Variants in SV2A observed in about 807,000 individuals in gnomAD.
SV2A encodes the protein solute carrier family 22 member B1.
Under a neutral mutation model 78.0 loss-of-function variants are expected in SV2A, and 25 were observed. The ratio of observed to expected loss-of-function variants is 0.32; its 90% confidence interval spans 0.23 to 0.45. The LOEUF (loss-of-function observed/expected upper bound fraction) is 0.45, where lower values mean the gene tolerates loss of function less well. Among genes scored for constraint, SV2A ranks in the 20% least tolerant of loss-of-function variants. The pLI, the probability that SV2A is intolerant of heterozygous loss-of-function variation, is 1.00. For missense variants in SV2A, 752 were observed against 971.5 expected (o/e 0.77, Z 3.00); for synonymous variants, 355 against 384.7 (o/e 0.92, Z 0.90).
intron 1 of SV2A, among the ~76,000 whole-genome samples, chr1:149,915,926 C>T (rs2101628698): frequency 6.6e-6 from 1 of 152,208 alleles, no homozygotes; most frequent in South Asian, 2.1e-4. Flanking sequence ...CACACACACA[C>T]ACGCCCTGGT....
Position 149,910,665 on chromosome 1 carries a change from T to C in SV2A, c.994A>G (p.Ser332Gly). 1.2e-6 allele frequency: 2 copies of C among 1,613,970 alleles called. No homozygotes were observed. The highest frequency in any genetic ancestry group is 1.7e-6 in the Non-Finnish European group (2 of 1,179,938). ...CAGACGAGGACGAAGACCCTCCAGC[T>C]GTGGAACTGGTAGGCAGAACCCATC... is the stretch of plus-strand genomic sequence containing the variant. ...FQMGSAYQFHSWRVFVLVCAF... is the reference protein window; with the variant it reads ...FQMGSAYQFHGWRVFVLVCAF... Residue 332 changes from serine (S) to glycine (G), a missense_variant, in exon 5 of 13, where the codon AGC (serine) becomes GGC (glycine). Physicochemically the swap from Ser to Gly is moderately conservative, Grantham distance 56. Around this residue, in one of 7 missense-constraint regions of SV2A, gnomAD observed 43 missense variants for 70.8 expected, o/e 0.61. Transcript: ENST00000369146. The surrounding 1 kb of genome is among the most constrained non-coding windows in gnomAD (Gnocchi z 4.2).
chr1:149,905,863 C>T lies in SV2A; in HGVS notation c.2045+17G>A. On this transcript the variant is annotated intron_variant, in intron 12 of 12. Coordinates refer to ENST00000369146, the MANE Select transcript of SV2A (RefSeq NM_014849.5). ...TCCCCTGAATCCACTGCCCTGCCTC[C>T]AACACATTCCAACTACCTCTTGTCT... 1 of 1,613,754 alleles carries T rather than the reference C, an allele frequency of 6.2e-7. No individual in the cohort carries two copies. The highest frequency in any genetic ancestry group is 8.5e-7 in the Non-Finnish European group (1 of 1,179,754).
chr1:149,913,372 G>T lies in SV2A; in HGVS notation c.469C>A (p.Arg157=). ...TGGAAGCGGCCGTGGCCACACTCCC[G>T]TAGGATGGCTTCATACTGTTGGGCC... is the stretch of plus-strand genomic sequence containing the variant. ...ELAQQYEAIL[R]ECGHGRFQWT... is the part of the protein sequence containing the mutation. The change falls in exon 2 of 13, where the codon CGG becomes AGG. Residue 157 remains arginine, a synonymous_variant. Transcript: ENST00000369146. The T allele has an allele frequency of 6.2e-7, 1 of 1,614,080 alleles. No homozygotes were observed. The highest frequency in any genetic ancestry group is 1.6e-4 in the Middle Eastern group (1 of 6,062).
At chr1:149,905,232 G>C in intron 12 of SV2A, 35 bp from the exon 13 acceptor site, 1 of 1,565,548 alleles carries the variant, frequency 6.4e-7, no homozygotes, top group Non-Finnish European at 8.7e-7. Context: ...CACGGCGCAA[G>C]GTACAGGAGG....
At position 149,904,748 on chromosome 1, in the gene SV2A, G is replaced by T. The variant is rs978674896; in HGVS notation, c.*266C>A. 33 of 383,562 alleles carry T rather than the reference G, an allele frequency of 8.6e-5. No homozygotes were observed. Among genetic ancestry groups the T allele is most frequent in the Non-Finnish European group, 1.3e-4 (28 of 212,772 alleles). The allele number at this position is 383,562 out of a possible 1,614,324, so 23.8% of individuals were successfully genotyped here. ...TCTCTAACAGGGGGAGAAGGATGGG[G>T]CTCAGCCTTCTCTTGTGCAAAGTCA... is the stretch of plus-strand genomic sequence containing the variant. On this transcript the variant is annotated 3_prime_UTR_variant, in exon 13 of 13. Transcript: ENST00000369146.
chr1:149,913,114 G>A, intron 2 of SV2A, 105 bp downstream of exon 2: 1 of 1,419,550 alleles, frequency 7.0e-7, no homozygotes, highest in Non-Finnish European at 9.5e-7. Context: ...GAACATCTTG[G>A]GTGCAGGGTC....
At chr1:149,912,891 G>A (rs1482211302) in intron 2 of SV2A, among the ~76,000 whole-genome samples, 2 of 151,950 alleles carry the variant, frequency 1.3e-5, no homozygotes, top group Admixed American at 1.3e-4. Context: ...ATAACCAGAG[G>A]GAAAGCTATG....
intron 1 of SV2A, among the ~76,000 whole-genome samples, chr1:149,916,108 G>T (rs1219327645): frequency 6.6e-6 from 1 of 152,148 alleles, no homozygotes; most frequent in Non-Finnish European, 1.5e-5. Context: ...AGCTGGAACT[G>T]CGGAATCCCC....
Position 149,910,799 on chromosome 1 carries a change from T to C in SV2A, c.955+27A>G. ...AAGAAGAGGGAGGAGGGAGATAACC[T>C]GGGGTGGATTTCCGGGGGCTGCTCA... On this transcript the variant is annotated intron_variant, in intron 4 of 12. Coordinates refer to ENST00000369146, the MANE Select transcript of SV2A (RefSeq NM_014849.5). The surrounding 1 kb of genome is among the most constrained non-coding windows in gnomAD (Gnocchi z 4.2). 1 of 1,612,244 alleles carries C rather than the reference T, an allele frequency of 6.2e-7. No homozygotes were observed. The highest frequency in any genetic ancestry group is 8.5e-7 in the Non-Finnish European group (1 of 1,178,526).
chr1:149,907,927 G>A (rs2092449273), intron 9 of SV2A, 94 bp from the exon 10 acceptor site: 2 of 1,572,378 alleles, frequency 1.3e-6, no homozygotes, highest in Non-Finnish European at 1.7e-6. Context: ...GCTGGGCATT[G>A]AGAAGAAACC....
chr1:149,914,068 G>A lies in SV2A; in HGVS notation c.-228C>T. ...TGACCTATACCCAGTTCAGTTGGGT[G>A]GATGGGGAAGGGACAGGGGGAGCAG... is the stretch of plus-strand genomic sequence containing the variant. On this transcript the variant is annotated 5_prime_UTR_variant, in exon 2 of 13. Coordinates refer to ENST00000369146, the MANE Select transcript of SV2A (RefSeq NM_014849.5). The A allele has an allele frequency of 1.9e-6, 1 of 527,956 alleles. No homozygotes were observed. Among genetic ancestry groups the A allele is most frequent in the Non-Finnish European group, 3.1e-6 (1 of 317,652 alleles). 32.7% of individuals were successfully genotyped at this position (527,956 alleles called of 1,614,324 possible).
chr1:149,909,865 A>T lies in SV2A; in HGVS notation c.1115T>A (p.Met372Lys), dbSNP rs2092464378. 1 of 1,613,936 alleles carries T rather than the reference A, an allele frequency of 6.2e-7. No homozygotes were observed. Among genetic ancestry groups the T allele is most frequent in the South Asian group, 1.1e-5 (1 of 91,088 alleles). ...GGTATCATGGACCTGCTTCAGCACC[A>T]TCCAGGCCTCATCATGCTTTCCATT... ...LENGKHDEAW[M>K]VLKQVHDTNM... Residue 372 changes from methionine (M) to lysine (K), a missense_variant, in exon 6 of 13, where the codon ATG becomes AAG. Met to Lys is a moderately conservative substitution (Grantham distance 95). This residue lies in a region of SV2A where 136 missense variants were observed against 132.3 expected (regional missense o/e 1.03). Coordinates refer to ENST00000369146, the MANE Select transcript of SV2A (RefSeq NM_014849.5).
chr1:149,909,423 C>T, intron 7 of SV2A, 38 bp downstream of exon 7: 1 of 1,585,616 alleles, frequency 6.3e-7, no homozygotes, highest in Non-Finnish European at 8.7e-7. Context: ...TCTCCACTTC[C>T]CCCACTCCCT....
At chr1:149,909,693 TCTC>T in intron 6 of SV2A, 105 bp downstream of exon 6, 1 of 1,455,790 alleles carries the variant, frequency 6.9e-7, no homozygotes, top group South Asian at 1.2e-5. Flanking sequence ...ACCCTGAAAA[TCTC>T]CTTACGGTAG....
In SV2A at chr1:149,903,799, G is replaced by C. The variant is rs1270028878; in HGVS notation, c.*1215C>G. 6.6e-6 allele frequency: 1 copy of C among 152,640 alleles called. No individual in the cohort carries two copies. The highest frequency in any genetic ancestry group is 1.5e-5 in the Non-Finnish European group (1 of 68,078). The allele number at this position is 152,640 out of a possible 1,614,324, so 9.5% of individuals were successfully genotyped here. A position where few individuals can be genotyped will look rare whatever the true frequency, so the allele number is the denominator to read the frequency against. ...AGCCACACAGAGTAGGGTGGGATGG[G>C]GCAGCCTAACCTACAGAGGCTATTG... On this transcript the variant is annotated 3_prime_UTR_variant, in exon 13 of 13. Coordinates refer to ENST00000369146, the MANE Select transcript of SV2A (RefSeq NM_014849.5).
In SV2A at chr1:149,910,780, A is replaced by T. The variant is rs1260315941; in HGVS notation, c.955+46T>A. The T allele has an allele frequency of 1.2e-6, 2 of 1,611,458 alleles. No homozygotes were observed. Among genetic ancestry groups the T allele is most frequent in the Non-Finnish European group, 1.7e-6 (2 of 1,178,104 alleles). ...CCCACCACAGGGAGCACAGAAGAAG[A>T]GGGAGGAGGGAGATAACCTGGGGTG... On this transcript the variant is annotated intron_variant, in intron 4 of 12. Transcript: ENST00000369146. This position sits in a 1 kb window ranked among gnomAD's most constrained non-coding sequence, Gnocchi z 4.2.
At chr1:149,905,649 G>A (rs1271031112) in intron 12 of SV2A, 155 of 495,858 alleles carry the variant, frequency 3.1e-4, no homozygotes, top group East Asian at 4.0e-5. Context: ...CACCATGTTG[G>A]CCAGGCTGGT....
chr1:149,904,999 G>GC lies in SV2A; in HGVS notation c.*14dup. On this transcript the variant is annotated 3_prime_UTR_variant, in exon 13 of 13. Coordinates refer to ENST00000369146, the MANE Select transcript of SV2A (RefSeq NM_014849.5). ...TCACAGTGTGCCTGCCAATCCCAAA[G>GC]CCCTAGAGACCCCTTCACTGCAGCA... 1 of 1,601,876 alleles carries GC rather than the reference G, an allele frequency of 6.2e-7. No individual in the cohort carries two copies. The highest frequency in any genetic ancestry group is 1.1e-5 in the South Asian group (1 of 88,960).
chr1:149,908,426 C>T (rs1045190778), intron 8 of SV2A, among the ~76,000 whole-genome samples: 2 of 152,200 alleles, frequency 1.3e-5, no homozygotes, highest in African/African-American at 2.4e-5. Flanking sequence ...GGGTCTCGCA[C>T]AGCAGCCACT....
Sources: allele counts gnomAD v4.1 joint callset (sites outside exome capture counted in the v4.1 genomes callset), GRCh38; gene constraint gnomAD v4.1.1; regional missense constraint gnomAD v4.1.1; non-coding constraint Gnocchi (gnomAD v3.1); transcripts MANE v1.5; gene names NCBI Gene and HGNC (gene_info 2026-07-23, HGNC 2026-07-21).